CDH13: variants seen among roughly 807,000 people sequenced by gnomAD.
CDH13 encodes the protein cadherin-13.
CDH13 carries 24 observed loss-of-function variants against 63.8 expected under a neutral mutation model. The observed-to-expected ratio is 0.38, with a 90% CI of 0.27 to 0.53. The LOEUF (loss-of-function observed/expected upper bound fraction) is 0.53, where lower values mean the gene tolerates loss of function less well. Ranked by LOEUF, CDH13 falls within the 20% of genes least tolerant of loss-of-function variation. CDH13 has a pLI of 0.85. For synonymous variants in CDH13, 503 were observed against 355.3 expected, an observed-to-expected ratio of 1.42 and a Z score of -4.67; for missense variants, 1,049 against 903.1, an observed-to-expected ratio of 1.16 and a Z score of -2.07.
intron 5 of CDH13, among the ~76,000 whole-genome samples, chr16:83,271,529 C>T (rs202023605): frequency 9.2e-6 from 1 of 108,632 alleles, no homozygotes; most frequent in Non-Finnish European, 2.0e-5. Context: ...ACAACAACAA[C>T]AAAAAAAAAC....
chr16:82,845,417 C>G (rs2039214916), intron 1 of CDH13, among the ~76,000 whole-genome samples: 1 of 152,208 alleles, frequency 6.6e-6, no homozygotes, highest in Non-Finnish European at 1.5e-5. Context: ...TGAGGGCACT[C>G]TAAGGGGCAA....
chr16:83,676,389 C>T (rs780898309), intron 9 of CDH13, among the ~76,000 whole-genome samples: 6 of 152,160 alleles, frequency 3.9e-5, no homozygotes, highest in African/African-American at 1.4e-4. Context: ...CCACCCTCAG[C>T]GTCGTCATGG....
intron 3 of CDH13, among the ~76,000 whole-genome samples, chr16:83,099,975 A>C (rs1300698359): frequency 2.0e-5 from 3 of 152,132 alleles, no homozygotes; most frequent in Admixed American, 6.5e-5. Context: ...CATGCAGCCT[A>C]CTGCCCTGAT....
At chr16:82,953,573 A>G (rs1905605027) in intron 2 of CDH13, 1 of 152,254 alleles carries the variant, frequency 6.6e-6, no homozygotes, top group Non-Finnish European at 1.5e-5. Flanking sequence ...AATTCTGATC[A>G]GCAGCTCTGG....
At chr16:83,622,043 T>C (rs963728068) in intron 8 of CDH13, among the ~76,000 whole-genome samples, 4 of 152,184 alleles carry the variant, frequency 2.6e-5, no homozygotes, top group African/African-American at 7.2e-5. Context: ...GAGCAAAGAA[T>C]AGATAAAAAA....
At chr16:82,895,373 C>T (rs947153333) in intron 2 of CDH13, among the ~76,000 whole-genome samples, 2 of 152,166 alleles carry the variant, frequency 1.3e-5, no homozygotes, top group African/African-American at 4.8e-5. Flanking sequence ...CACAAATTTG[C>T]CACCATCCCC....
chr16:83,682,130 G>C (rs1039482731), intron 10 of CDH13, among the ~76,000 whole-genome samples: 1 of 152,220 alleles, frequency 6.6e-6, no homozygotes, highest in African/African-American at 2.4e-5. Flanking sequence ...ACCAAAAGAA[G>C]TGCAGCATAG....
At chr16:83,575,733 T>C (rs1017545766) in intron 7 of CDH13, among the ~76,000 whole-genome samples, 6 of 152,220 alleles carry the variant, frequency 3.9e-5, no homozygotes, top group Non-Finnish European at 8.8e-5. Context: ...AAGTCCTTCA[T>C]GGAGGTGCTT....
At chr16:83,296,807 C>G (rs60597596) in intron 5 of CDH13, among the ~76,000 whole-genome samples, 2 of 152,096 alleles carry the variant, frequency 1.3e-5, no homozygotes, top group South Asian at 4.1e-4. Flanking sequence ...CCCAATAACA[C>G]GGGTTTATGT....
intron 9 of CDH13, among the ~76,000 whole-genome samples, chr16:83,672,578 C>G (rs1422113612): frequency 6.6e-6 from 1 of 151,714 alleles, no homozygotes; most frequent in Non-Finnish European, 1.5e-5. Context: ...GTGCATGCCA[C>G]CACACCCAGC....
At chr16:82,957,795 G>T (rs1906348452) in intron 2 of CDH13, among the ~76,000 whole-genome samples, 1 of 152,196 alleles carries the variant, frequency 6.6e-6, no homozygotes, top group African/African-American at 2.4e-5. Context: ...CCAATGATTA[G>T]CACTTAAGAA....
intron 1 of CDH13, among the ~76,000 whole-genome samples, chr16:82,662,751 C>T (rs1051541582): frequency 2.7e-4 from 41 of 152,306 alleles, no homozygotes; most frequent in Middle Eastern, 3.4e-3. Flanking sequence ...TGTCAAATAG[C>T]GCCTGAGAGG....
chr16:82,901,519 A>C (rs2041469083), intron 2 of CDH13, among the ~76,000 whole-genome samples: 1 of 152,110 alleles, frequency 6.6e-6, no homozygotes, highest in Non-Finnish European at 1.5e-5. Context: ...TGTGTGAGTG[A>C]ATAGATCAAA....
At chr16:82,677,220 A>G (rs186240876) in intron 1 of CDH13, among the ~76,000 whole-genome samples, 293 of 152,336 alleles carry the variant, frequency 1.9e-3, no homozygotes, top group African/African-American at 6.8e-3. Context: ...GTACGGAGAA[A>G]GGTAATGCAG....
At chr16:83,349,725 C>T (rs867555556) in intron 6 of CDH13, among the ~76,000 whole-genome samples, 19 of 152,042 alleles carry the variant, frequency 1.2e-4, no homozygotes, top group Admixed American at 1.2e-3. Context: ...CTCAGCCTCC[C>T]GAGTAGCTGG....
chr16:83,020,852 GA>G (rs1403984024), intron 2 of CDH13, among the ~76,000 whole-genome samples: 1 of 152,212 alleles, frequency 6.6e-6, no homozygotes, highest in Non-Finnish European at 1.5e-5. Flanking sequence ...ATCAGGGTCT[GA>G]ATCCCAATTT....
chr16:82,630,931 G>A (rs1907932988), intron 1 of CDH13, among the ~76,000 whole-genome samples: 2 of 152,270 alleles, frequency 1.3e-5, no homozygotes, highest in South Asian at 4.1e-4. Context: ...ACAAAATTCT[G>A]AATCTACAGC....
intron 4 of CDH13, among the ~76,000 whole-genome samples, chr16:83,213,879 A>G (rs1488673747): frequency 1.3e-5 from 2 of 151,960 alleles, no homozygotes; most frequent in Non-Finnish European, 2.9e-5. Flanking sequence ...CTCTGTAGCT[A>G]CCTAGAGGTT....
chr16:83,050,520 C>G (rs895278588), intron 3 of CDH13, among the ~76,000 whole-genome samples: 2 of 152,088 alleles, frequency 1.3e-5, no homozygotes, highest in Non-Finnish European at 2.9e-5. Flanking sequence ...TCCTCTAGTT[C>G]TTCTTCTTAT....
Sources: allele counts gnomAD v4.1 joint callset (sites outside exome capture counted in the v4.1 genomes callset), GRCh38; gene constraint gnomAD v4.1.1; transcripts MANE v1.5; gene names NCBI Gene and HGNC (gene_info 2026-07-23, HGNC 2026-07-21).